The following CSMD1 variants were observed in gnomAD, a reference collection of about 807,000 sequenced individuals.
CSMD1 encodes CUB and Sushi multiple domains 1.
Under a neutral mutation model 417.5 loss-of-function variants are expected in CSMD1, and 213 were observed. The ratio of observed to expected loss-of-function variants is 0.51; its 90% CI spans 0.46 to 0.57. CSMD1 has a LOEUF of 0.57. Among genes scored for constraint, CSMD1 ranks in the 20% least tolerant of loss-of-function variants. The probability of loss-of-function intolerance (pLI) is 0.00; values close to 1 mark genes in which losing one functional copy is unlikely to be tolerated. For missense variants in CSMD1, 6,923 were observed against 4,529.7 expected (o/e 1.53, Z -15.17); for synonymous variants, 2,862 against 1,736.8 (o/e 1.65, Z -16.11).
chr8:3,737,217 A>C (rs1563325911), intron 6 of CSMD1, among the ~76,000 whole-genome samples: 1 of 134,884 alleles, frequency 7.4e-6, no homozygotes, highest in Admixed American at 7.7e-5. Context: ...AGAAATTATC[A>C]TTGATTTTTT....
At chr8:4,204,038 T>A (rs1161982802) in intron 3 of CSMD1, among the ~76,000 whole-genome samples, 2 of 152,122 alleles carry the variant, frequency 1.3e-5, no homozygotes, top group African/African-American at 4.8e-5. Context: ...TGGGCAGAAG[T>A]TGCGGTGAGC....
At chr8:3,772,146 T>C (rs1487768873) in intron 5 of CSMD1, among the ~76,000 whole-genome samples, 1 of 142,320 alleles carries the variant, frequency 7.0e-6, no homozygotes, top group African/African-American at 2.6e-5. Context: ...CCTTTTCTCC[T>C]TGAATTCTCA....
chr8:3,542,186 G>C lies in CSMD1; in HGVS notation c.1344+32759C>G, dbSNP rs541281199. Among the ~76,000 whole-genome samples the C allele has an allele frequency of 1.3e-5, 2 of 152,116 alleles. 1 individual carries two copies. Among genetic ancestry groups the C allele is most frequent in the South Asian group, 4.1e-4 (2 of 4,820 alleles). ...AAAATACTTCAAAACTAAGAGTCTTGCTTGACCTTAATATTGATACTTACC... is the reference window on the plus strand; with the variant it reads ...AAAATACTTCAAAACTAAGAGTCTTCCTTGACCTTAATATTGATACTTACC... On this transcript the variant is annotated intron_variant, in intron 10 of 69. Coordinates refer to ENST00000635120, the MANE Select transcript of CSMD1 (RefSeq NM_033225.6).
At chr8:4,979,548 G>C (rs1033192220) in intron 1 of CSMD1, among the ~76,000 whole-genome samples, 11 of 139,382 alleles carry the variant, frequency 7.9e-5, no homozygotes, top group African/African-American at 1.9e-4. Flanking sequence ...GAAGGAGCTA[G>C]TTTTCACTTT....
At chr8:4,727,893 T>G (rs536070221) in intron 1 of CSMD1, among the ~76,000 whole-genome samples, 1 of 147,474 alleles carries the variant, frequency 6.8e-6, no homozygotes, top group South Asian at 2.1e-4. Context: ...TGTACCCACC[T>G]ATACCACATA....
intron 2 of CSMD1, among the ~76,000 whole-genome samples, chr8:4,507,255 T>A (rs1445579526): frequency 6.6e-6 from 1 of 152,212 alleles, no homozygotes; most frequent in African/African-American, 2.4e-5. Context: ...GCTCAGTATA[T>A]TACTTATTTT....
chr8:3,934,769 C>A (rs949890043), intron 5 of CSMD1, among the ~76,000 whole-genome samples: 1 of 152,052 alleles, frequency 6.6e-6, no homozygotes, highest in Non-Finnish European at 1.5e-5. Flanking sequence ...ATCACTTGAA[C>A]CTGGGAAGCA....
chr8:4,779,042 T>C (rs1797017174), intron 1 of CSMD1, among the ~76,000 whole-genome samples: 1 of 152,230 alleles, frequency 6.6e-6, no homozygotes, highest in African/African-American at 2.4e-5. Flanking sequence ...TTAATCAACA[T>C]TTCAGGAATT....
intron 3 of CSMD1, among the ~76,000 whole-genome samples, chr8:4,252,717 G>A (rs73498596): frequency 6.6e-6 from 1 of 152,214 alleles, no homozygotes; most frequent in East Asian, 1.9e-4. Context: ...TGGTTGTATT[G>A]GTTGTACAGG....
At chr8:4,807,580 T>G (rs566722882) in intron 1 of CSMD1, among the ~76,000 whole-genome samples, 43 of 152,134 alleles carry the variant, frequency 2.8e-4, no homozygotes, top group South Asian at 1.9e-3. Flanking sequence ...TTGGAATGGG[T>G]TGTTACTCAG....
intron 1 of CSMD1, among the ~76,000 whole-genome samples, chr8:4,884,843 TG>T (rs1803636244): frequency 2.0e-5 from 3 of 152,026 alleles, no homozygotes; most frequent in African/African-American, 7.3e-5. Context: ...CTTGGGTATT[TG>T]GGGTTCTCTT....
rs532018498 is a variant in CSMD1 at position 3,982,619 on chromosome 8, A to G, written c.818+15284T>C. Among the ~76,000 whole-genome samples the G allele has an allele frequency of 2.9e-3, 101 of 34,552 alleles. 1 individual carries two copies. The highest frequency in any genetic ancestry group is 0.014 in the Middle Eastern group (1 of 70). The allele number at this position is 34,552 out of a possible 152,430, so 22.7% of individuals were successfully genotyped here. On this transcript the variant is annotated intron_variant, in intron 5 of 69. Coordinates refer to ENST00000635120, the MANE Select transcript of CSMD1 (RefSeq NM_033225.6). The stretch of plus-strand genomic sequence containing the variant: ...TATTATGAAGTACTGCTGAGAGAGA[A>G]AAAAAAAAAGCCATTAAATTATGTG...
chr8:4,118,567 C>T (rs888693542), intron 3 of CSMD1, among the ~76,000 whole-genome samples: 6 of 152,036 alleles, frequency 3.9e-5, no homozygotes, highest in Non-Finnish European at 5.9e-5. Flanking sequence ...GTAAAAATGG[C>T]GATCATGAAA....
At chr8:4,438,695 G>A (rs538199117) in intron 2 of CSMD1, among the ~76,000 whole-genome samples, 1 of 152,306 alleles carries the variant, frequency 6.6e-6, no homozygotes, top group South Asian at 2.1e-4. Context: ...AACTCTTGCG[G>A]CCTTCATACT....
chr8:3,898,848 C>T (rs1807538075), intron 5 of CSMD1, among the ~76,000 whole-genome samples: 1 of 152,262 alleles, frequency 6.6e-6, no homozygotes, highest in Admixed American at 6.5e-5. Flanking sequence ...TTTCTCAGGA[C>T]ATAGCTGATA....
At chr8:4,526,561 G>A (rs574025172) in intron 2 of CSMD1, among the ~76,000 whole-genome samples, 65 of 152,332 alleles carry the variant, frequency 4.3e-4, no homozygotes, top group African/African-American at 1.2e-3. Context: ...GGTCTATTAC[G>A]AAGGTAGCTG....
chr8:4,868,850 C>G (rs964490644), intron 1 of CSMD1, among the ~76,000 whole-genome samples: 3 of 151,188 alleles, frequency 2.0e-5, no homozygotes, highest in Non-Finnish European at 4.4e-5. Context: ...AAATTGATAA[C>G]CAATTTCAGA....
intron 5 of CSMD1, among the ~76,000 whole-genome samples, chr8:3,852,772 C>A (rs1482832277): frequency 6.6e-6 from 1 of 152,160 alleles, no homozygotes; most frequent in East Asian, 1.9e-4. Flanking sequence ...TTTGTAGGAT[C>A]CATTCCAGCC....
In CSMD1 at chr8:3,348,087, T is replaced by G. The variant is rs2117638544; in HGVS notation, c.3379A>C (p.Asn1127His). 10 of 1,612,958 alleles carry G rather than the reference T, an allele frequency of 6.2e-6. No homozygotes were observed. Among genetic ancestry groups the G allele is most frequent in the Non-Finnish European group, 8.5e-6 (10 of 1,179,258 alleles). Residue 1127 changes from asparagine to histidine, a missense_variant, in exon 22 of 70, where the codon AAC becomes CAC. Physicochemically the swap from Asn to His is moderately conservative, Grantham distance 68. Coordinates refer to ENST00000635120, the MANE Select transcript of CSMD1 (RefSeq NM_033225.6). ...SPNFPSNYDNNHECIYKIETE... is the reference protein window; with the variant it reads ...SPNFPSNYDNHHECIYKIETE... ...TCTATTTTATAGATACACTCATGGT[T>G]ATTATCATAATTGGATGGAAAATTT... is the stretch of plus-strand genomic sequence containing the variant.
Sources: gnomAD v4.1 joint callset for allele counts (sites outside exome capture counted in the v4.1 genomes callset) on GRCh38, gnomAD v4.1.1 for gene constraint, MANE v1.5 for transcripts, NCBI Gene and HGNC (gene_info 2026-07-23, HGNC 2026-07-21) for gene names.